THADA: variants seen among roughly 807,000 people sequenced by gnomAD.
THADA encodes the protein THADA armadillo repeat containing, also known as tRNA (32-2'-O)-methyltransferase regulator THADA.
THADA carries 213 observed loss-of-function variants against 219.8 expected under a neutral mutation model. The observed-to-expected ratio is 0.97, with a 90% confidence interval of 0.87 to 1.09. THADA has a LOEUF of 1.09. Among genes scored for constraint, THADA ranks in the 50% least tolerant of loss-of-function variants. The probability of loss-of-function intolerance (pLI) is 0.00; values close to 1 mark genes in which losing one functional copy is unlikely to be tolerated. For missense variants in THADA, 2,956 were observed against 2,311.3 expected, an observed-to-expected ratio of 1.28 and a Z score of -5.72; for synonymous variants, 1,018 against 828.9, an observed-to-expected ratio of 1.23 and a Z score of -3.92.
intron 29 of THADA, among the ~76,000 whole-genome samples, chr2:43,368,596 C>T (rs1407399914): frequency 6.6e-6 from 1 of 151,552 alleles, no homozygotes; most frequent in East Asian, 1.9e-4. Context: ...CAGGGTCTCA[C>T]TATGTTTCCC....
Position 43,591,999 on chromosome 2 carries a change from A to G in THADA, c.124T>C (p.Cys42Arg), listed in dbSNP as rs1157911914. ...GACACTCCATCCGTGAGTTGCACAC[A>G]ATGTAACAGCAAAGAAGCTAGATTT... ...GKNLASLLLH[C>R]VQLTDGVSQI... The change falls in exon 3 of 38, where the codon TGT becomes CGT. Residue 42 changes from cysteine (C) to arginine (R), a missense_variant. By Grantham distance (180) the Cys-to-Arg change is radical. Transcript: ENST00000405975. 1.3e-6 allele frequency: 2 copies of G among 1,564,492 alleles called. No individual in the cohort carries two copies. Among genetic ancestry groups the G allele is most frequent in the Admixed American group, 1.9e-5 (1 of 52,428 alleles).
At chr2:43,554,031 C>G (rs1024664425) in intron 17 of THADA, among the ~76,000 whole-genome samples, 1 of 152,174 alleles carries the variant, frequency 6.6e-6, no homozygotes, top group African/African-American at 2.4e-5. Context: ...CCTTATCAGA[C>G]ATAGGATTTG....
chr2:43,408,900 C>A (rs184972275), intron 28 of THADA, among the ~76,000 whole-genome samples: 3 of 152,150 alleles, frequency 2.0e-5, no homozygotes, highest in Non-Finnish European at 4.4e-5. Flanking sequence ...ATAGTTGGAG[C>A]CAATCTTCTC....
At chr2:43,292,744 C>A (rs1193231847) in intron 32 of THADA, 90 bp downstream of exon 32, 4 of 1,510,038 alleles carry the variant, frequency 2.6e-6, no homozygotes, top group Non-Finnish European at 3.5e-6. Context: ...GAGCCTAAAC[C>A]CAATCTTGCC....
chr2:43,481,589 C>G (rs78694173), intron 26 of THADA, among the ~76,000 whole-genome samples: 2 of 152,214 alleles, frequency 1.3e-5, no homozygotes, highest in Non-Finnish European at 2.9e-5. Flanking sequence ...TCATCACTCA[C>G]ATCACATTGT....
chr2:43,297,706 C>G (rs1572965407), intron 31 of THADA, among the ~76,000 whole-genome samples: 1 of 125,400 alleles, frequency 8.0e-6, no homozygotes, highest in South Asian at 2.5e-4. Flanking sequence ...GGCCAGCCAC[C>G]CCGTCCGGGA....
At chr2:43,501,307 C>CAAAAAAAAAAAAAAAAAAA (rs60448094) in intron 24 of THADA, among the ~76,000 whole-genome samples, 3 of 15,042 alleles carry the variant, frequency 2.0e-4, no homozygotes, top group Non-Finnish European at 4.0e-4. Flanking sequence ...ACTCCAACTC[C>CAAAAAAAAAAAAAAAAAAA]AAAAAAAAAA....
chr2:43,556,424 C>T lies in THADA; in HGVS notation c.2595G>A (p.Leu865=), dbSNP rs1195569380. The part of the protein sequence containing the change: ...LIWQDALPSS[L]SAYLTQQVAC... ...CAACTTGCTGAGTTAAGTAGGCAGA[C>T]AAGGATGACGGTAGAGCATCCTGCC... Residue 865 remains leucine, a synonymous_variant, in exon 17 of 38, where the codon TTG becomes TTA. Coordinates refer to ENST00000405975, the MANE Select transcript of THADA (RefSeq NM_022065.5). The T allele has an allele frequency of 1.2e-6, 2 of 1,613,804 alleles. No individual in the cohort carries two copies. The highest frequency in any genetic ancestry group is 1.3e-5 in the African/African-American group (1 of 74,976).
rs1022524232 is a variant in THADA, at chr2:43,586,493, A to C, written c.485-44T>G. The C allele has an allele frequency of 6.1e-6, 9 of 1,468,530 alleles. No individual in the cohort carries two copies. In the Admixed American group the frequency reaches 9.8e-5, roughly 16 times the overall value. The allele number at this position is 1,468,530 out of a possible 1,614,324, so 91.0% of individuals were successfully genotyped here. On this transcript the variant is annotated intron_variant, in intron 6 of 37. Coordinates refer to ENST00000405975, the MANE Select transcript of THADA (RefSeq NM_022065.5). Reference sequence around the variant, plus strand: ...GACAAATAAGAATTTAAAACTGTGAAGCTCAATTTCAATAAAATAAAATAT... The same window carrying C: ...GACAAATAAGAATTTAAAACTGTGACGCTCAATTTCAATAAAATAAAATAT...
intron 26 of THADA, among the ~76,000 whole-genome samples, chr2:43,479,079 A>G (rs2104990593): frequency 6.6e-6 from 1 of 152,312 alleles, no homozygotes; most frequent in Admixed American, 6.5e-5. Flanking sequence ...ATGACACTCC[A>G]GACTATACCA....
At chr2:43,565,189 G>A (rs918414824) in intron 15 of THADA, 22 of 152,278 alleles carry the variant, frequency 1.4e-4, no homozygotes, top group African/African-American at 5.1e-4. Context: ...TGTAATCCCA[G>A]CACTTTGGGA....
At chr2:43,486,017 G>GT (rs1686879416) in intron 25 of THADA, among the ~76,000 whole-genome samples, 1 of 152,048 alleles carries the variant, frequency 6.6e-6, no homozygotes, top group Non-Finnish European at 1.5e-5. Context: ...CCAGGAGTTT[G>GT]AGGCTGCAGT....
chr2:43,566,101 A>AG (rs1430958534), intron 15 of THADA: 3 of 207,340 alleles, frequency 1.4e-5, no homozygotes. Flanking sequence ...ATAAAAAAAA[A>AG]GGAATCATTT....
intron 22 of THADA, among the ~76,000 whole-genome samples, chr2:43,522,789 T>C (rs2103696334): frequency 6.6e-6 from 1 of 152,284 alleles, no homozygotes; most frequent in South Asian, 2.1e-4. Context: ...CATTCTAGTT[T>C]TCTCCAAATT....
intron 29 of THADA, among the ~76,000 whole-genome samples, chr2:43,363,469 C>T (rs917697183): frequency 2.0e-4 from 30 of 152,124 alleles, no homozygotes; most frequent in Non-Finnish European, 3.8e-4. Flanking sequence ...CTATGTAGAA[C>T]GAATCATATC....
chr2:43,445,978 C>T (rs867130049), intron 26 of THADA, among the ~76,000 whole-genome samples: 9 of 152,184 alleles, frequency 5.9e-5, no homozygotes, highest in African/African-American at 1.9e-4. Context: ...AGCCCTGCCA[C>T]GCCCCCTGTG....
chr2:43,442,923 G>C (rs1419324665), intron 26 of THADA, among the ~76,000 whole-genome samples: 2 of 152,150 alleles, frequency 1.3e-5, no homozygotes, highest in Non-Finnish European at 2.9e-5. Flanking sequence ...CACCCCTCCT[G>C]TCAGACTAAC....
chr2:43,461,070 G>A (rs1558797421), intron 26 of THADA, among the ~76,000 whole-genome samples: 2 of 152,140 alleles, frequency 1.3e-5, no homozygotes, highest in South Asian at 2.1e-4. Flanking sequence ...AAAACCTCTC[G>A]TAGAAAGTAG....
chr2:43,294,952 T>C (rs748491950), intron 31 of THADA, among the ~76,000 whole-genome samples: 3 of 152,168 alleles, frequency 2.0e-5, no homozygotes, highest in Non-Finnish European at 2.9e-5. Flanking sequence ...CACATGTTCA[T>C]CATCTAATAG....
Sources: gnomAD v4.1 joint callset for allele counts (sites outside exome capture counted in the v4.1 genomes callset) on GRCh38, gnomAD v4.1.1 for gene constraint, MANE v1.5 for transcripts, NCBI Gene and HGNC (gene_info 2026-07-23, HGNC 2026-07-21) for gene names.